Variants in C10orf71 observed in about 807,000 individuals in gnomAD.
C10orf71 encodes the protein chromosome 10 open reading frame 71.
For missense variants in C10orf71, 1,869 were observed against 1,804.5 expected, an observed-to-expected ratio of 1.04 and a Z score of -0.65; for synonymous variants, 758 against 726.3, an observed-to-expected ratio of 1.04 and a Z score of -0.70.
At chr10:49,319,594 T>C (rs994291960) in intron 2 of C10orf71, among the ~76,000 whole-genome samples, 1 of 150,964 alleles carries the variant, frequency 6.6e-6, no homozygotes, top group African/African-American at 2.4e-5. Flanking sequence ...TTTTTCACAA[T>C]AGCCAAAATT....
At position 49,325,446 on chromosome 10, in the gene C10orf71, G is replaced by A. The variant is rs1234526583; in HGVS notation, c.2901G>A (p.Gly967=). The A allele has an allele frequency of 6.5e-7, 1 of 1,550,016 alleles. No homozygotes were observed. The highest frequency in any genetic ancestry group is 8.7e-7 in the Non-Finnish European group (1 of 1,145,816). Residue 967 remains glycine, a synonymous_variant, in exon 3 of 3, where the codon GGG becomes GGA. Coordinates refer to ENST00000374144, the MANE Select transcript of C10orf71 (RefSeq NM_001135196.2). Reference sequence around the variant, plus strand: ...CATCTATGCCTCTGGTGGGAGAGGGGGACCGGGTGAAGGCACCACCAGATG... The same window carrying A: ...CATCTATGCCTCTGGTGGGAGAGGGAGACCGGGTGAAGGCACCACCAGATG... ...NFPSMPLVGE[G]DRVKAPPDAA...
upstream of C10orf71, among the ~76,000 whole-genome samples, chr10:49,297,788 T>C (rs1848661622): frequency 1.3e-5 from 2 of 152,252 alleles, no homozygotes; most frequent in South Asian, 4.1e-4. Context: ...TGATGGCTTT[T>C]GTCTGACCTT....
intron 1 of C10orf71, among the ~76,000 whole-genome samples, chr10:49,304,184 G>T (rs141895536): frequency 6.6e-6 from 1 of 152,318 alleles, no homozygotes; most frequent in East Asian, 1.9e-4. Context: ...GAATTTGCTA[G>T]GAGAGGGGTT....
rs1424938726 is a variant in C10orf71 at position 49,316,175 on chromosome 10, A to C, written c.-217A>C. ...CAGTGATGACACCAAATATAAGCAT[A>C]AAAAGACGTTTTAAAACTACAGATC... On this transcript the variant is annotated 5_prime_UTR_variant, in exon 2 of 3. Coordinates refer to ENST00000374144, the MANE Select transcript of C10orf71 (RefSeq NM_001135196.2). The C allele has an allele frequency of 3.9e-5, 6 of 152,214 alleles. No individual in the cohort carries two copies. The highest frequency in any genetic ancestry group is 1.2e-4 in the African/African-American group (5 of 41,452). 9.4% of individuals were successfully genotyped at this position (152,214 alleles called of 1,614,324 possible). A position where few individuals can be genotyped will look rare whatever the true frequency, so the allele number is the denominator to read the frequency against.
intron 1 of C10orf71, among the ~76,000 whole-genome samples, chr10:49,309,081 G>C (rs77758914): frequency 1.3e-5 from 2 of 152,318 alleles, no homozygotes; most frequent in East Asian, 3.9e-4. Flanking sequence ...AAGTGAGCAC[G>C]GGCAGGTGCA....
intron 1 of C10orf71, among the ~76,000 whole-genome samples, chr10:49,301,395 C>T (rs61848573): frequency 0.093 from 14,142 of 152,216 alleles, 835 homozygotes; most frequent in Middle Eastern, 0.15. Context: ...AAATCTCAGA[C>T]ACCCCCTCAT....
chr10:49,325,375 A>C lies in C10orf71; in HGVS notation c.2830A>C (p.Met944Leu). 1 of 1,551,602 alleles carries C rather than the reference A, an allele frequency of 6.4e-7. No homozygotes were observed. Among genetic ancestry groups the C allele is most frequent in the Non-Finnish European group, 8.7e-7 (1 of 1,146,898 alleles). ...VMEDPGQGSS[M>L]ARMEASQPAP... ...GGAGGACCCTGGGCAGGGGTCGAGC[A>C]TGGCCAGGATGGAGGCCTCTCAGCC... Residue 944 changes from methionine to leucine, a missense_variant, in exon 3 of 3, where the codon ATG (methionine) becomes CTG (leucine). Physicochemically the swap from Met to Leu is conservative, Grantham distance 15. Transcript: ENST00000374144.
At position 49,322,606 on chromosome 10, in the gene C10orf71, G is replaced by A. The variant is rs372257905; in HGVS notation, c.61G>A (p.Val21Met). 7.1e-5 allele frequency: 115 copies of A among 1,612,860 alleles called. No individual in the cohort carries two copies. The highest frequency in any genetic ancestry group is 2.2e-4 in the East Asian group (10 of 44,870). Residue 21 changes from valine to methionine, a missense_variant, in exon 3 of 3, where the codon GTG becomes ATG. Physicochemically the swap from Val to Met is conservative, Grantham distance 21 (BLOSUM62 1). Coordinates refer to ENST00000374144, the MANE Select transcript of C10orf71 (RefSeq NM_001135196.2). Reference protein sequence around the residue: ...AFSDSSSIGSVLDDADREVSS... With the variant: ...AFSDSSSIGSMLDDADREVSS... ...CAGCGACTCCTCCAGCATCGGCAGC[G>A]TGTTGGATGATGCAGACAGGGAGGT...
chr10:49,316,779 A>G (rs1008884819), intron 2 of C10orf71, among the ~76,000 whole-genome samples: 6 of 152,164 alleles, frequency 3.9e-5, no homozygotes, highest in Non-Finnish European at 7.3e-5. Context: ...GCTACAGTCC[A>G]TGGGCCTGTC....
chr10:49,326,316 GCCCGGGGGCCCCCAGTCCC>G lies in C10orf71; in HGVS notation c.3772_3790del (p.Pro1258SerfsTer31). On this transcript the variant is annotated frameshift_variant, in exon 3 of 3. Transcript: ENST00000374144. LOFTEE classifies it low-confidence loss of function (END_TRUNC). ...GCTTCTCGGAGCCTGTCGGGAGGCGGCCCGGGGGCCCCCAGTCCCTCACACCCCTGCCCGCGTACCCCGC... is the reference window on the plus strand; with the variant it reads ...GCTTCTCGGAGCCTGTCGGGAGGCGGTCACACCCCTGCCCGCGTACCCCGC... 2 of 1,549,366 alleles carry G rather than the reference GCCCGGGGGCCCCCAGTCCC, an allele frequency of 1.3e-6. No individual in the cohort carries two copies.
chr10:49,312,516 A>G (rs992305029), intron 1 of C10orf71, among the ~76,000 whole-genome samples: 1 of 152,216 alleles, frequency 6.6e-6, no homozygotes, highest in Admixed American at 6.5e-5. Context: ...GTGGCTGTAA[A>G]CAGAGCCCCA....
In C10orf71 at chr10:49,323,646, C is replaced by T. The variant is rs1037140257; in HGVS notation, c.1101C>T (p.Ser367=). The change falls in exon 3 of 3, where the codon AGC becomes AGT. Residue 367 remains serine, a synonymous_variant. Transcript: ENST00000374144. ...QVFAVEGKAP[S]SQPDSQEKPA... is the part of the protein sequence containing the mutation. ...TTGCTGTGGAAGGAAAAGCTCCCAGCTCACAACCTGATTCTCAAGAGAAGC... is the reference window on the plus strand; with the variant it reads ...TTGCTGTGGAAGGAAAAGCTCCCAGTTCACAACCTGATTCTCAAGAGAAGC... 3.7e-6 allele frequency: 6 copies of T among 1,608,296 alleles called. No homozygotes were observed. In the South Asian group the frequency reaches 5.6e-5, roughly 15 times the overall value.
intron 1 of C10orf71, among the ~76,000 whole-genome samples, chr10:49,302,751 G>A (rs575231244): frequency 1.0e-3 from 159 of 152,314 alleles, no homozygotes; most frequent in African/African-American, 3.6e-3. Context: ...GGAAAGCTGA[G>A]TATGCCTAGA....
Position 49,326,614 on chromosome 10 carries a change from G to C in C10orf71, c.4069G>C (p.Ala1357Pro). ...GCTGCGCTGCTCCTCTCAGCTCTCC[G>C]CGCCCACCTTCCTCAGGCAGGGCCC... is the stretch of plus-strand genomic sequence containing the variant. Reference protein sequence around the residue: ...MPLRCSSQLSAPTFLRQGPRA... With the variant: ...MPLRCSSQLSPPTFLRQGPRA... The change falls in exon 3 of 3, where the codon GCG becomes CCG. Residue 1357 changes from alanine to proline, a missense_variant. Ala to Pro is a conservative substitution (Grantham distance 27). Coordinates refer to ENST00000374144, the MANE Select transcript of C10orf71 (RefSeq NM_001135196.2). 6.5e-7 allele frequency: 1 copy of C among 1,550,154 alleles called. No homozygotes were observed. The highest frequency in any genetic ancestry group is 8.7e-7 in the Non-Finnish European group (1 of 1,146,830).
rs1171498751 is a variant in C10orf71, at chr10:49,324,963, T to C, written c.2418T>C (p.Ser806=). ...AAGCATTGCAAAGAGAAAGGGAAAGTGTGTCTGGAGGAAGAACCAGGAAGG... is the reference window on the plus strand; with the variant it reads ...AAGCATTGCAAAGAGAAAGGGAAAGCGTGTCTGGAGGAAGAACCAGGAAGG... ...QGEALQRERE[S]VSGGRTRKAS... Residue 806 remains serine (S), a synonymous_variant, in exon 3 of 3, where the codon AGT becomes AGC. Coordinates refer to ENST00000374144, the MANE Select transcript of C10orf71 (RefSeq NM_001135196.2). The C allele has an allele frequency of 1.3e-6, 2 of 1,550,834 alleles. No homozygotes were observed. Among genetic ancestry groups the C allele is most frequent in the East Asian group, 2.4e-5 (1 of 40,888 alleles).
Position 49,327,164 on chromosome 10 carries a change from C to A in C10orf71, c.*311C>A. The A allele has an allele frequency of 2.5e-6, 2 of 787,116 alleles. No homozygotes were observed. The highest frequency in any genetic ancestry group is 3.7e-6 in the Non-Finnish European group (2 of 545,516). 48.8% of individuals were successfully genotyped at this position (787,116 alleles called of 1,614,324 possible). ...TCCCTCCCTTCCTCCCTCTCCTGGC[C>A]CACCCTGCTCTTCCCTCGCCCTGCA... On this transcript the variant is annotated 3_prime_UTR_variant, in exon 3 of 3. Transcript: ENST00000374144.
chr10:49,318,322 G>T (rs1849034069), intron 2 of C10orf71, among the ~76,000 whole-genome samples: 1 of 152,228 alleles, frequency 6.6e-6, no homozygotes, highest in African/African-American at 2.4e-5. Flanking sequence ...TTCTACTGGG[G>T]AAGGCGTGGG....
Position 49,324,151 on chromosome 10 carries a change from G to A in C10orf71, c.1606G>A (p.Glu536Lys). The change falls in exon 3 of 3, where the codon GAA becomes AAA. Residue 536 changes from glutamate (E) to lysine (K), a missense_variant. Transcript: ENST00000374144. ...TAGAGGTAAGGTTGATGGAAAGCAA[G>A]AACCTGTGAGCAACGGTGTCATCCT... ...KTRGKVDGKQ[E>K]PVSNGVILPN... The A allele has an allele frequency of 6.2e-7, 1 of 1,614,016 alleles. No individual in the cohort carries two copies. The highest frequency in any genetic ancestry group is 8.5e-7 in the Non-Finnish European group (1 of 1,179,904).
intron 2 of C10orf71, among the ~76,000 whole-genome samples, chr10:49,319,091 C>G (rs1796852431): frequency 1.3e-5 from 2 of 152,168 alleles, no homozygotes. Context: ...TTAACAGCAC[C>G]CTGCCAGATG....
Sources: allele counts gnomAD v4.1 joint callset (sites outside exome capture counted in the v4.1 genomes callset), GRCh38; gene constraint gnomAD v4.1.1; transcripts MANE v1.5; gene names NCBI Gene and HGNC (gene_info 2026-07-23, HGNC 2026-07-21).